The following KIAA1217 variants were observed in gnomAD, a reference collection of about 807,000 sequenced individuals.
The protein encoded by KIAA1217 is sickle tail protein homolog.
A neutral mutation model predicts 163.9 loss-of-function variants in KIAA1217; 88 were observed. The ratio of observed to expected loss-of-function variants is 0.54; its 90% CI spans 0.45 to 0.64. The LOEUF is 0.64. Among genes scored for constraint, KIAA1217 ranks in the 30% least tolerant of loss-of-function variants. The probability of loss-of-function intolerance (pLI) is 0.00; values close to 1 mark genes in which losing one functional copy is unlikely to be tolerated. For missense variants in KIAA1217, 2,372 were observed against 2,475.0 expected (o/e 0.96, Z 0.88); for synonymous variants, 903 against 923.1 (o/e 0.98, Z 0.39).
intron 2 of KIAA1217, among the ~76,000 whole-genome samples, chr10:24,328,242 A>G (rs1301725325): frequency 2.0e-5 from 3 of 152,200 alleles, no homozygotes; most frequent in Non-Finnish European, 4.4e-5. Flanking sequence ...GTTATGTAGC[A>G]GGGAAGAAAT....
chr10:23,896,138 A>G (rs969856304), intron 1 of KIAA1217, among the ~76,000 whole-genome samples: 1 of 152,090 alleles, frequency 6.6e-6, no homozygotes, highest in Non-Finnish European at 1.5e-5. Flanking sequence ...AACTTAAAGT[A>G]TAATAATAAT....
At chr10:24,228,302 G>A (rs2070876415) in intron 2 of KIAA1217, among the ~76,000 whole-genome samples, 1 of 151,908 alleles carries the variant, frequency 6.6e-6, no homozygotes, top group African/African-American at 2.4e-5. Context: ...GTTATCATAA[G>A]AAAGCTGCAA....
At chr10:24,368,220 G>A (rs1299707901) in intron 2 of KIAA1217, among the ~76,000 whole-genome samples, 4 of 151,992 alleles carry the variant, frequency 2.6e-5, no homozygotes, top group Non-Finnish European at 4.4e-5. Flanking sequence ...TTATTTCCGT[G>A]CGCATGTATT....
intron 3 of KIAA1217, among the ~76,000 whole-genome samples, 176 bp downstream of exon 3, chr10:24,381,243 T>C (rs1193005686): frequency 1.3e-5 from 2 of 152,178 alleles, no homozygotes; most frequent in Non-Finnish European, 2.9e-5. Flanking sequence ...TGCTGGGTAA[T>C]CAGGTCAAGT....
At chr10:24,405,410 G>A (rs2057099782) in intron 3 of KIAA1217, among the ~76,000 whole-genome samples, 1 of 152,088 alleles carries the variant, frequency 6.6e-6, no homozygotes, top group Non-Finnish European at 1.5e-5. Flanking sequence ...CATGTTTTTG[G>A]AAAACCTAAA....
chr10:24,247,062 C>T (rs1444605919), intron 2 of KIAA1217, among the ~76,000 whole-genome samples: 2 of 150,206 alleles, frequency 1.3e-5, no homozygotes, highest in South Asian at 2.1e-4. Flanking sequence ...TTCATGCTTA[C>T]TTAACCAACA....
chr10:24,520,048 C>CGG (rs376065629), intron 10 of KIAA1217, 75 bp from the exon 11 acceptor site: 1 of 1,486,752 alleles, frequency 6.7e-7, no homozygotes, highest in Non-Finnish European at 9.1e-7. Flanking sequence ...GAGGCTGAGA[C>CGG]GGGCACTCGG....
intron 2 of KIAA1217, among the ~76,000 whole-genome samples, chr10:24,145,088 C>T (rs990784474): frequency 5.9e-5 from 9 of 152,164 alleles, no homozygotes; most frequent in Admixed American, 2.6e-4. Context: ...TCTTAAAGGT[C>T]CTGTTTCAGG....
chr10:24,332,743 G>A (rs899668709), intron 2 of KIAA1217, among the ~76,000 whole-genome samples: 9 of 152,000 alleles, frequency 5.9e-5, no homozygotes, highest in Non-Finnish European at 8.8e-5. Context: ...TGTTTAATTA[G>A]GAATTAAATG....
In KIAA1217 at chr10:24,501,533, G is replaced by A; in HGVS notation, c.1989G>A (p.Met663Ile). The change falls in exon 9 of 21, where the codon ATG (methionine) becomes ATA (isoleucine). Residue 663 changes from methionine to isoleucine, a missense_variant. Physicochemically the swap from Met to Ile is conservative, Grantham distance 10. This residue lies in a region of KIAA1217 where 1,431 missense variants were observed against 1,470.3 expected (regional missense o/e 0.97). Coordinates refer to ENST00000376454, the MANE Select transcript of KIAA1217 (RefSeq NM_019590.5). Reference sequence around the variant, plus strand: ...AACTCAGGCTCCAGCTCCAGCAGATGCGGCAGCTCCAGGTATTCCTCATGC... The same window carrying A: ...AACTCAGGCTCCAGCTCCAGCAGATACGGCAGCTCCAGGTATTCCTCATGC... ...VAELRLQLQQ[M>I]RQLQLQNQEL... 1 of 1,613,204 alleles carries A rather than the reference G, an allele frequency of 6.2e-7. No homozygotes were observed. The highest frequency in any genetic ancestry group is 8.5e-7 in the Non-Finnish European group (1 of 1,179,766).
At chr10:23,880,008 C>T (rs182404882) in intron 1 of KIAA1217, among the ~76,000 whole-genome samples, 3 of 151,984 alleles carry the variant, frequency 2.0e-5, no homozygotes, top group Admixed American at 6.6e-5. Context: ...GTGGTGGGTG[C>T]TGGAGGACAG....
At chr10:23,961,457 C>G (rs377162659) in intron 1 of KIAA1217, among the ~76,000 whole-genome samples, 15 of 152,136 alleles carry the variant, frequency 9.9e-5, no homozygotes, top group East Asian at 7.7e-4. Flanking sequence ...TTAATGGCAG[C>G]CTCTATAACT....
At chr10:24,371,560 G>A (rs1004147455) in intron 2 of KIAA1217, among the ~76,000 whole-genome samples, 25 of 152,288 alleles carry the variant, frequency 1.6e-4, no homozygotes, top group Admixed American at 6.5e-4. Flanking sequence ...TAACTGTATC[G>A]TTTTGTAGAA....
intron 1 of KIAA1217, among the ~76,000 whole-genome samples, chr10:23,940,574 A>C (rs1195994957): frequency 6.6e-6 from 1 of 152,276 alleles, no homozygotes; most frequent in African/African-American, 2.4e-5. Context: ...CTTAAACAAG[A>C]CTTCAATTAA....
intron 9 of KIAA1217, among the ~76,000 whole-genome samples, chr10:24,510,831 T>C (rs896993165): frequency 5.9e-5 from 9 of 152,160 alleles, no homozygotes; most frequent in Non-Finnish European, 1.3e-4. Flanking sequence ...CCAACACATA[T>C]CTAAGCCCAT....
At chr10:24,425,317 G>C (rs535985284) in intron 3 of KIAA1217, among the ~76,000 whole-genome samples, 6 of 152,118 alleles carry the variant, frequency 3.9e-5, no homozygotes, top group Non-Finnish European at 8.8e-5. Context: ...GACTTAACTT[G>C]AACCTAACGA....
At chr10:24,540,057 A>C (rs1429090905) in intron 17 of KIAA1217, among the ~76,000 whole-genome samples, 1 of 152,212 alleles carries the variant, frequency 6.6e-6, no homozygotes, top group East Asian at 1.9e-4. Context: ...CATGACAATT[A>C]TGACCAAGCT....
At chr10:23,729,305 T>C (rs1808310630) in intron 1 of KIAA1217, among the ~76,000 whole-genome samples, 1 of 152,182 alleles carries the variant, frequency 6.6e-6, no homozygotes, top group African/African-American at 2.4e-5. Flanking sequence ...TTCCATTTGG[T>C]AAATACTAAG....
rs749056924 is a variant in KIAA1217, at chr10:24,533,177, C to T, written c.3354C>T (p.Ser1118=). The change falls in exon 16 of 21, where the codon TCC becomes TCT. Residue 1118 remains serine, a synonymous_variant. Coordinates refer to ENST00000376454, the MANE Select transcript of KIAA1217 (RefSeq NM_019590.5). Reference sequence around the variant, plus strand: ...CATCCCCACCGCCTGTCACCACCTCCTCCTCAAAGGATGAGGAGGAAGAAG... The same window carrying T: ...CATCCCCACCGCCTGTCACCACCTCTTCCTCAAAGGATGAGGAGGAAGAAG... ...WTPSPPPVTT[S]SSKDEEEEEE... The T allele has an allele frequency of 2.5e-6, 4 of 1,613,752 alleles. No individual in the cohort carries two copies. Among genetic ancestry groups the T allele is most frequent in the Non-Finnish European group, 3.4e-6 (4 of 1,179,910 alleles).
Sources: allele counts gnomAD v4.1 joint callset (sites outside exome capture counted in the v4.1 genomes callset), GRCh38; gene constraint gnomAD v4.1.1; regional missense constraint gnomAD v4.1.1; transcripts MANE v1.5; gene names NCBI Gene and HGNC (gene_info 2026-07-23, HGNC 2026-07-21).